The following TSHR variants were observed in gnomAD, a reference collection of about 807,000 sequenced individuals.
TSHR encodes the protein thyrotropin receptor.
A neutral mutation model predicts 64.1 loss-of-function variants in TSHR; 51 were observed. The observed-to-expected ratio is 0.80, with a 90% CI of 0.64 to 1.01. The LOEUF is 1.01. TSHR is among the 50% of genes least tolerant of loss of function. The pLI is 0.00. For missense variants in TSHR, 877 were observed against 942.8 expected, an observed-to-expected ratio of 0.93 and a Z score of 0.91; for synonymous variants, 361 against 361.9, an observed-to-expected ratio of 1.00 and a Z score of 0.03.
At chr14:80,970,870 C>T (rs1045717879) in intron 1 of TSHR, among the ~76,000 whole-genome samples, 1 of 152,164 alleles carries the variant, frequency 6.6e-6, no homozygotes, top group Non-Finnish European at 1.5e-5. Context: ...GACTGCAGTG[C>T]AGCAGTAGTT....
intron 1 of TSHR, chr14:81,049,941 C>T (rs1208453729): frequency 6.6e-6 from 1 of 152,186 alleles, no homozygotes; most frequent in Non-Finnish European, 1.5e-5. Context: ...AACTGTGAGT[C>T]AATTACCCAG....
chr14:80,977,550 G>A (rs1295495278), intron 1 of TSHR, among the ~76,000 whole-genome samples: 3 of 152,188 alleles, frequency 2.0e-5, no homozygotes, highest in Non-Finnish European at 4.4e-5. Flanking sequence ...CAGATGGTGT[G>A]GACTCACTCT....
chr14:81,114,301 G>A (rs1358978095), intron 8 of TSHR, among the ~76,000 whole-genome samples: 2 of 152,126 alleles, frequency 1.3e-5, no homozygotes, highest in East Asian at 3.9e-4. Context: ...CCAGACAGTG[G>A]GCACAGGTCA....
intron 3 of TSHR, among the ~76,000 whole-genome samples, chr14:81,074,915 T>C (rs931244269): frequency 1.2e-4 from 18 of 152,218 alleles, no homozygotes; most frequent in Non-Finnish European, 1.9e-4. Context: ...GAGCTCTATA[T>C]ACATTCTCTG....
chr14:80,961,412 G>A (rs980369001), intron 1 of TSHR, among the ~76,000 whole-genome samples: 16 of 152,210 alleles, frequency 1.1e-4, no homozygotes, highest in African/African-American at 2.4e-4. Flanking sequence ...GAGGTTCAGC[G>A]AAGGCTTTGA....
At chr14:80,976,583 G>C (rs1366305517) in intron 1 of TSHR, among the ~76,000 whole-genome samples, 3 of 152,198 alleles carry the variant, frequency 2.0e-5, no homozygotes, top group Non-Finnish European at 4.4e-5. Flanking sequence ...AGTCACAATT[G>C]AGCAAGTATG....
At chr14:81,125,842 C>CTGAA (rs1891000111) in intron 8 of TSHR, among the ~76,000 whole-genome samples, 1 of 151,874 alleles carries the variant, frequency 6.6e-6, no homozygotes. Flanking sequence ...GGGGAAGCAA[C>CTGAA]TGAAGTAGGT....
chr14:80,963,833 CT>C (rs1334520988), intron 1 of TSHR, among the ~76,000 whole-genome samples: 1 of 152,170 alleles, frequency 6.6e-6, no homozygotes, highest in African/African-American at 2.4e-5. Context: ...AGACCTTCTG[CT>C]TCTGTTGTTT....
chr14:81,064,988 A>G (rs956014403), intron 2 of TSHR, among the ~76,000 whole-genome samples: 1 of 152,158 alleles, frequency 6.6e-6, no homozygotes, highest in African/African-American at 2.4e-5. Context: ...GTTCAGCTAA[A>G]AGCCAGGTTC....
intron 1 of TSHR, among the ~76,000 whole-genome samples, chr14:81,000,175 G>T (rs987212720): frequency 7.9e-5 from 12 of 151,926 alleles, no homozygotes; most frequent in African/African-American, 2.4e-4. Context: ...CAGGCAATCC[G>T]CCCGCCTTGG....
intron 8 of TSHR, among the ~76,000 whole-genome samples, chr14:81,111,054 G>T (rs1043391787): frequency 1.3e-5 from 2 of 152,022 alleles, no homozygotes; most frequent in African/African-American, 2.4e-5. Context: ...CATGTATAGG[G>T]TTCATGACTG....
chr14:81,103,724 A>G lies in TSHR; in HGVS notation c.615-4651A>G. 1 of 985,478 alleles carries G rather than the reference A, an allele frequency of 1.0e-6. No individual in the cohort carries two copies. The highest frequency in any genetic ancestry group is 1.2e-6 in the Non-Finnish European group (1 of 829,934). 61.0% of individuals were successfully genotyped at this position (985,478 alleles called of 1,614,324 possible). On this transcript the variant is annotated intron_variant, in intron 7 of 9. Transcript: ENST00000298171. This position sits in a 1 kb window ranked among gnomAD's most constrained non-coding sequence, Gnocchi z 4.1. The stretch of plus-strand genomic sequence containing the variant: ...GTTGAACTGTACTTGGTCACAAGTT[A>G]AGTCACACATTCATTGTTTGGAATT...
At chr14:81,041,558 A>G (rs974367371) in intron 1 of TSHR, among the ~76,000 whole-genome samples, 1 of 152,124 alleles carries the variant, frequency 6.6e-6, no homozygotes, top group African/African-American at 2.4e-5. Context: ...CAGGAAAAAC[A>G]ACTAATGGAT....
At chr14:81,041,592 G>T (rs993666339) in intron 1 of TSHR, among the ~76,000 whole-genome samples, 3 of 152,066 alleles carry the variant, frequency 2.0e-5, no homozygotes, top group African/African-American at 4.8e-5. Context: ...ACTGGGTGAT[G>T]AAATAATCTG....
At chr14:81,141,039 T>C (rs1275887795) in intron 9 of TSHR, among the ~76,000 whole-genome samples, 1 of 152,200 alleles carries the variant, frequency 6.6e-6, no homozygotes, top group East Asian at 1.9e-4. Flanking sequence ...GGCAGAAGAA[T>C]TGCTTGAACC....
chr14:81,072,214 A>T (rs1887122301), intron 3 of TSHR, among the ~76,000 whole-genome samples: 1 of 152,218 alleles, frequency 6.6e-6, no homozygotes, highest in Non-Finnish European at 1.5e-5. Flanking sequence ...TGTGTTGAGG[A>T]CAGTTATTAT....
intron 7 of TSHR, among the ~76,000 whole-genome samples, chr14:81,100,207 T>C (rs1441766686): frequency 6.6e-6 from 1 of 152,202 alleles, no homozygotes. Flanking sequence ...ATAAGTGGAC[T>C]TTTCAGATCT....
chr14:81,026,081 G>A (rs1884035795), intron 1 of TSHR, among the ~76,000 whole-genome samples: 1 of 152,198 alleles, frequency 6.6e-6, no homozygotes, highest in Non-Finnish European at 1.5e-5. Flanking sequence ...GACACATGCA[G>A]ACAAGCTAAC....
chr14:81,037,934 C>CAAAAAAAAA (rs561276007), intron 1 of TSHR, among the ~76,000 whole-genome samples: 36 of 142,532 alleles, frequency 2.5e-4, no homozygotes, highest in East Asian at 1.4e-3. Context: ...TGAAAATCAG[C>CAAAAAAAAA]AAAAAAAAAA....
Sources: allele counts gnomAD v4.1 joint callset (sites outside exome capture counted in the v4.1 genomes callset), GRCh38; gene constraint gnomAD v4.1.1; non-coding constraint Gnocchi (gnomAD v3.1); transcripts MANE v1.5; gene names NCBI Gene and HGNC (gene_info 2026-07-23, HGNC 2026-07-21).